The following FAM107B variants were observed in gnomAD, a reference collection of about 807,000 sequenced individuals.
The protein encoded by FAM107B is family with sequence similarity 107 member B.
FAM107B carries 21 observed loss-of-function variants against 31.5 expected under a neutral mutation model. That is an observed-to-expected ratio of 0.67 (90% CI 0.47 to 0.96). The LOEUF (loss-of-function observed/expected upper bound fraction) is 0.96. Among genes scored for constraint, FAM107B ranks in the 40% least tolerant of loss-of-function variants. The probability of loss-of-function intolerance (pLI) is 0.00; values close to 1 mark genes in which losing one functional copy is unlikely to be tolerated. For synonymous variants in FAM107B, 157 were observed against 141.5 expected, an observed-to-expected ratio of 1.11 and a Z score of -0.78; for missense variants, 452 against 377.1, an observed-to-expected ratio of 1.20 and a Z score of -1.64.
intron 2 of FAM107B, among the ~76,000 whole-genome samples, chr10:14,580,391 T>C (rs1411202744): frequency 6.6e-6 from 1 of 151,758 alleles, no homozygotes; most frequent in African/African-American, 2.4e-5. Context: ...AAGGCCACCC[T>C]ACAAAAGAAA....
chr10:14,684,820 T>C (rs941137519), intron 1 of FAM107B, among the ~76,000 whole-genome samples: 7 of 104,744 alleles, frequency 6.7e-5, no homozygotes, highest in Non-Finnish European at 1.5e-4. Context: ...AGTGACTTTT[T>C]GTTTTTCTTT....
chr10:14,572,655 G>T (rs1851303971), intron 2 of FAM107B, among the ~76,000 whole-genome samples: 1 of 148,384 alleles, frequency 6.7e-6, no homozygotes, highest in South Asian at 2.1e-4. Flanking sequence ...AGGCTGTAGT[G>T]CACTATGATC....
At chr10:14,703,019 T>C (rs1419293909) in intron 1 of FAM107B, among the ~76,000 whole-genome samples, 2 of 151,378 alleles carry the variant, frequency 1.3e-5, no homozygotes, top group South Asian at 2.1e-4. Context: ...ATTTACAAGT[T>C]AATCTCTATT....
chr10:14,528,964 T>C (rs1381905065), intron 3 of FAM107B, among the ~76,000 whole-genome samples: 1 of 152,224 alleles, frequency 6.6e-6, no homozygotes, highest in African/African-American at 2.4e-5. Flanking sequence ...CTAAAATGTT[T>C]CTTAGAGAAC....
At chr10:14,681,989 A>C (rs1210511578) in intron 1 of FAM107B, among the ~76,000 whole-genome samples, 2 of 152,198 alleles carry the variant, frequency 1.3e-5, no homozygotes, top group Non-Finnish European at 1.5e-5. Flanking sequence ...TTAACAGTGC[A>C]TATTTTCTCA....
Position 14,667,639 on chromosome 10 carries a change from G to C in FAM107B, c.464C>G (p.Thr155Arg). 1.2e-6 allele frequency: 2 copies of C among 1,614,164 alleles called. No individual in the cohort carries two copies. Among genetic ancestry groups the C allele is most frequent in the Non-Finnish European group, 1.7e-6 (2 of 1,180,008 alleles). The part of the protein sequence containing the change: ...PKCLELEQKM[T>R]SDSPPEDIDH... The stretch of plus-strand genomic sequence containing the variant: ...TCACACAGAATGTACTCTACCTGAT[G>C]TCATTTTCTGCTCCAGCTCGAGGCA... The change falls in exon 2 of 5, where the codon ACA becomes AGA. Residue 155 changes from threonine to arginine, a missense_variant. Thr to Arg is a moderately conservative substitution (Grantham distance 71). Transcript: ENST00000181796.
rs531509748 is a variant in FAM107B at position 14,699,775 on chromosome 10, A to G, written c.412-32084T>C. Among the ~76,000 whole-genome samples, 3 of 152,234 alleles carry G rather than the reference A, an allele frequency of 2.0e-5. No individual in the cohort carries two copies. The South Asian group carries it at 6.2e-4, about 32-fold the overall frequency. On this transcript the variant is annotated intron_variant, in intron 1 of 4. Transcript: ENST00000181796. ...ACAGTGTTTGCCTGTCATGGTAAGG[A>G]TTTTCACTTAATTTTCAAGGCAGCA...
chr10:14,743,098 A>G (rs1832654005), intron 1 of FAM107B, among the ~76,000 whole-genome samples: 1 of 151,892 alleles, frequency 6.6e-6, no homozygotes, highest in African/African-American at 2.4e-5. Context: ...TGTGGTTTTG[A>G]TTTACATTTC....
chr10:14,581,211 C>T (rs1203657136), intron 2 of FAM107B, among the ~76,000 whole-genome samples: 2 of 152,128 alleles, frequency 1.3e-5, no homozygotes, highest in Admixed American at 6.5e-5. Flanking sequence ...CGTCAGATGT[C>T]GCATTTATAA....
At chr10:14,677,401 C>T (rs915879834) in intron 1 of FAM107B, among the ~76,000 whole-genome samples, 3 of 152,138 alleles carry the variant, frequency 2.0e-5, no homozygotes, top group African/African-American at 7.2e-5. Context: ...GTGGGCAGAT[C>T]ACGAGGTCAG....
intron 2 of FAM107B, among the ~76,000 whole-genome samples, chr10:14,590,180 C>A (rs746633959): frequency 6.6e-6 from 1 of 152,186 alleles, no homozygotes; most frequent in African/African-American, 2.4e-5. Flanking sequence ...CTCTTCATTT[C>A]TATGGCTTCT....
intron 1 of FAM107B, among the ~76,000 whole-genome samples, chr10:14,765,046 T>C (rs755493938): frequency 6.6e-6 from 1 of 152,196 alleles, no homozygotes; most frequent in East Asian, 1.9e-4. Flanking sequence ...TTGGTAGATT[T>C]TTCTCTGACA....
At chr10:14,601,298 G>C (rs1852389015) in intron 2 of FAM107B, among the ~76,000 whole-genome samples, 1 of 152,192 alleles carries the variant, frequency 6.6e-6, no homozygotes, top group Admixed American at 6.5e-5. Context: ...ACCGGAATTA[G>C]GGATATGAGA....
At chr10:14,583,996 A>G (rs969574693) in intron 2 of FAM107B, among the ~76,000 whole-genome samples, 1 of 152,204 alleles carries the variant, frequency 6.6e-6, no homozygotes, top group Non-Finnish European at 1.5e-5. Context: ...GTGGGACTAA[A>G]ATGACACCAA....
intron 2 of FAM107B, among the ~76,000 whole-genome samples, chr10:14,642,614 G>GTT (rs75077990): frequency 0.014 from 2,176 of 151,682 alleles, 32 homozygotes; most frequent in African/African-American, 0.034. Context: ...TGACCTTGGT[G>GTT]TTTTTTTTGC....
intron 2 of FAM107B, among the ~76,000 whole-genome samples, chr10:14,638,020 G>C (rs368261817): frequency 6.6e-6 from 1 of 152,244 alleles, no homozygotes; most frequent in Non-Finnish European, 1.5e-5. Context: ...AATATATGTT[G>C]TGCTTTTTGT....
chr10:14,595,802 A>G (rs1852170458), intron 2 of FAM107B, among the ~76,000 whole-genome samples: 1 of 152,180 alleles, frequency 6.6e-6, no homozygotes, highest in African/African-American at 2.4e-5. Flanking sequence ...GGCTGAGGCC[A>G]AAAGAGCAGG....
At chr10:14,734,320 T>C (rs751595322) in intron 1 of FAM107B, among the ~76,000 whole-genome samples, 14 of 152,122 alleles carry the variant, frequency 9.2e-5, no homozygotes, top group Non-Finnish European at 2.1e-4. Flanking sequence ...AGCCCAATTA[T>C]ATTGCCCTTA....
intron 2 of FAM107B, among the ~76,000 whole-genome samples, chr10:14,654,756 G>C (rs570633235): frequency 2.5e-4 from 38 of 152,256 alleles, no homozygotes; most frequent in African/African-American, 5.8e-4. Flanking sequence ...AAGTAGATAT[G>C]CTTTGCGATA....
Sources: gnomAD v4.1 joint callset for allele counts (sites outside exome capture counted in the v4.1 genomes callset) on GRCh38, gnomAD v4.1.1 for gene constraint, MANE v1.5 for transcripts, NCBI Gene and HGNC (gene_info 2026-07-23, HGNC 2026-07-21) for gene names.